RARB: variants seen among roughly 807,000 people sequenced by gnomAD.
The protein encoded by RARB is HBV-activated protein.
Under a neutral mutation model 51.9 loss-of-function variants are expected in RARB, and 17 were observed. The observed-to-expected ratio is 0.33, with a 90% CI of 0.22 to 0.49. RARB has a LOEUF of 0.49. Among genes scored for constraint, RARB ranks in the 20% least tolerant of loss-of-function variants. The pLI, the probability that RARB is intolerant of heterozygous loss-of-function variation, is 0.99. For synonymous variants in RARB, 215 were observed against 195.4 expected (o/e 1.10, Z -0.84); for missense variants, 369 against 550.8 (o/e 0.67, Z 3.30).
At chr3:25,505,158 C>A (rs1697520673) in intron 3 of RARB, among the ~76,000 whole-genome samples, 1 of 152,170 alleles carries the variant, frequency 6.6e-6, no homozygotes, top group South Asian at 2.1e-4. Context: ...ATTCCTCCTT[C>A]CCAGGTCCCA....
At chr3:25,134,296 C>T (rs1465563600) in intron 4 of RARB, among the ~76,000 whole-genome samples, 1 of 151,848 alleles carries the variant, frequency 6.6e-6, no homozygotes. Flanking sequence ...TTCAGAAGTT[C>T]TTAAATGGCA....
chr3:25,159,416 C>A (rs1045797338), intron 4 of RARB, among the ~76,000 whole-genome samples: 17 of 150,932 alleles, frequency 1.1e-4, no homozygotes, highest in Non-Finnish European at 2.4e-4. Context: ...TGATCCACCC[C>A]CCCCGCTCCC....
chr3:25,483,242 G>C (rs1476505620), intron 2 of RARB, among the ~76,000 whole-genome samples: 1 of 152,222 alleles, frequency 6.6e-6, no homozygotes. Flanking sequence ...TTTCAAGGAA[G>C]ATAATGGGAA....
At chr3:25,086,555 C>G (rs191598263) in intron 3 of RARB, among the ~76,000 whole-genome samples, 60 of 152,142 alleles carry the variant, frequency 3.9e-4, no homozygotes, top group Admixed American at 1.3e-3. Flanking sequence ...TGACACAGCC[C>G]CAGGAGATTC....
intron 1 of RARB, among the ~76,000 whole-genome samples, chr3:24,848,419 T>C (rs1406420349): frequency 6.6e-6 from 1 of 152,228 alleles, no homozygotes; most frequent in Non-Finnish European, 1.5e-5. Flanking sequence ...TTAACTGTTT[T>C]TTTAAATACA....
At chr3:25,341,654 G>A (rs948594973) in intron 5 of RARB, among the ~76,000 whole-genome samples, 1 of 152,044 alleles carries the variant, frequency 6.6e-6, no homozygotes, top group Admixed American at 6.6e-5. Context: ...TGCCCCCAGG[G>A]ATATTTGACT....
chr3:25,429,098 C>T (rs1405448086), intron 1 of RARB, among the ~76,000 whole-genome samples: 2 of 152,150 alleles, frequency 1.3e-5, no homozygotes, highest in African/African-American at 4.8e-5. Flanking sequence ...CCCCTCCCGC[C>T]CCCATGCTCC....
exon 5 of RARB, chr3:25,174,532 T>G (rs774004053): frequency 1.5e-6 from 2 of 1,352,154 alleles, no homozygotes; most frequent in African/African-American, 1.5e-5. Flanking sequence ...ATGGCCTTCA[T>G]GGACATCCGC....
chr3:25,138,610 C>T (rs1320240323), intron 4 of RARB, among the ~76,000 whole-genome samples: 1 of 152,026 alleles, frequency 6.6e-6, no homozygotes, highest in Non-Finnish European at 1.5e-5. Flanking sequence ...AAAAGAAAAT[C>T]AAGGTGGAAG....
chr3:25,449,088 G>A (rs1218475439), intron 1 of RARB, among the ~76,000 whole-genome samples: 1 of 152,064 alleles, frequency 6.6e-6, no homozygotes, highest in Non-Finnish European at 1.5e-5. Flanking sequence ...GTAGGGGCTG[G>A]GGGCTCAGAG....
chr3:24,865,648 G>A (rs1702834208), intron 2 of RARB, among the ~76,000 whole-genome samples: 1 of 152,120 alleles, frequency 6.6e-6, no homozygotes, highest in Admixed American at 6.6e-5. Flanking sequence ...ACGTACAAAT[G>A]TAAACCTAGA....
chr3:25,555,430 C>T (rs576733336), intron 3 of RARB: 6 of 152,262 alleles, frequency 3.9e-5, no homozygotes, highest in Admixed American at 3.3e-4. Context: ...CTGCCTCCCC[C>T]AAGAAGAAAA....
chr3:25,264,025 T>A lies in RARB; in HGVS notation c.178+89450T>A, dbSNP rs139452379. On this transcript the variant is annotated intron_variant, in intron 5 of 11. Transcript: ENST00000383772. The stretch of plus-strand genomic sequence containing the variant: ...ACAATGGCAACAGAATTCATACGTT[T>A]TCAGACGACTCCCATGCTCATATCA... Among the ~76,000 whole-genome samples, 508 of 152,276 alleles carry A rather than the reference T, an allele frequency of 3.3e-3. 3 individuals carry two copies. Among genetic ancestry groups the A allele is most frequent in the African/African-American group, 0.01 (436 of 41,562 alleles).
intron 5 of RARB, chr3:25,345,833 C>T: frequency 1.2e-6 from 1 of 846,396 alleles, no homozygotes; most frequent in Non-Finnish European, 1.4e-6. Flanking sequence ...ATTTTTGCTA[C>T]CTAAGAGACA....
intron 3 of RARB, among the ~76,000 whole-genome samples, chr3:25,502,911 G>A (rs2125608411): frequency 6.6e-6 from 1 of 152,272 alleles, no homozygotes; most frequent in Non-Finnish European, 1.5e-5. Flanking sequence ...TGAAACCACT[G>A]CCTCCAGGTC....
chr3:25,431,473 A>G (rs992097358), intron 1 of RARB, among the ~76,000 whole-genome samples: 2 of 152,182 alleles, frequency 1.3e-5, no homozygotes, highest in Non-Finnish European at 2.9e-5. Context: ...TTAGGGGACT[A>G]CTAAGGGAAT....
chr3:25,268,864 C>T (rs558183238), intron 5 of RARB, among the ~76,000 whole-genome samples: 2 of 152,300 alleles, frequency 1.3e-5, no homozygotes, highest in South Asian at 4.1e-4. Flanking sequence ...AATATTTGTG[C>T]ATTTTGCAAT....
chr3:24,863,005 A>G (rs551874441), intron 2 of RARB, among the ~76,000 whole-genome samples: 3 of 152,308 alleles, frequency 2.0e-5, no homozygotes, highest in South Asian at 2.1e-4. Flanking sequence ...AATAATGCAG[A>G]AGAAATAATG....
chr3:25,253,442 G>C (rs1449417059), intron 5 of RARB, among the ~76,000 whole-genome samples: 2 of 152,036 alleles, frequency 1.3e-5, no homozygotes, highest in South Asian at 2.1e-4. Flanking sequence ...TACCCTGAAG[G>C]ATCTATAAAA....
Sources: gnomAD v4.1 joint callset for allele counts (sites outside exome capture counted in the v4.1 genomes callset) on GRCh38, gnomAD v4.1.1 for gene constraint, MANE v1.5 for transcripts, NCBI Gene and HGNC (gene_info 2026-07-23, HGNC 2026-07-21) for gene names.